Variants in SIL1 observed in about 807,000 individuals in gnomAD.
The protein encoded by SIL1 is nucleotide exchange factor SIL1.
Under a neutral mutation model 49.1 loss-of-function variants are expected in SIL1, and 40 were observed. The ratio of observed to expected loss-of-function variants is 0.81; its 90% CI spans 0.63 to 1.06. SIL1 has a LOEUF of 1.06. Among genes scored for constraint, SIL1 ranks in the 50% least tolerant of loss-of-function variants. The pLI is 0.00. For missense variants in SIL1, 500 were observed against 572.6 expected, an observed-to-expected ratio of 0.87 and a Z score of 1.29; for synonymous variants, 253 against 250.8, an observed-to-expected ratio of 1.01 and a Z score of -0.08.
chr5:139,175,916 T>C (rs900729532), intron 1 of SIL1, among the ~76,000 whole-genome samples: 1 of 152,130 alleles, frequency 6.6e-6, no homozygotes, highest in Non-Finnish European at 1.5e-5. Flanking sequence ...TGAGCCACGA[T>C]CTTGCCATTG....
intron 3 of SIL1, among the ~76,000 whole-genome samples, chr5:139,103,191 C>A (rs149511847): frequency 1.3e-5 from 2 of 152,162 alleles, no homozygotes; most frequent in Admixed American, 6.5e-5. Context: ...ACCCAAGGTA[C>A]CGCTCCACCC....
At chr5:139,028,251 G>C (rs1768705039) in intron 5 of SIL1, among the ~76,000 whole-genome samples, 1 of 151,878 alleles carries the variant, frequency 6.6e-6, no homozygotes, top group South Asian at 2.1e-4. Context: ...TGTAATCCCA[G>C]CACTTTGGTA....
At chr5:139,061,377 G>C (rs1414300725) in intron 3 of SIL1, among the ~76,000 whole-genome samples, 3 of 152,234 alleles carry the variant, frequency 2.0e-5, no homozygotes, top group African/African-American at 7.2e-5. Flanking sequence ...AAAAGGACAG[G>C]ATGTCCTCCA....
intron 2 of SIL1, among the ~76,000 whole-genome samples, chr5:139,124,632 T>C (rs1750718717): frequency 6.6e-6 from 1 of 152,214 alleles, no homozygotes; most frequent in South Asian, 2.1e-4. Context: ...TTCAATGATA[T>C]GAACAAACCA....
chr5:139,156,065 G>T (rs1446605549), intron 1 of SIL1, among the ~76,000 whole-genome samples: 2 of 152,002 alleles, frequency 1.3e-5, no homozygotes, highest in Non-Finnish European at 2.9e-5. Context: ...ACTACTGCCA[G>T]GTCAAACTCT....
At chr5:139,055,156 C>T (rs1375019203) in intron 3 of SIL1, among the ~76,000 whole-genome samples, 2 of 152,134 alleles carry the variant, frequency 1.3e-5, no homozygotes, top group East Asian at 1.9e-4. Flanking sequence ...GTTTTCCCAC[C>T]TCCAGCTCCT....
intron 1 of SIL1, among the ~76,000 whole-genome samples, chr5:139,177,529 C>A (rs544712281): frequency 6.6e-6 from 1 of 152,064 alleles, no homozygotes; most frequent in African/African-American, 2.4e-5. Context: ...TGAGCCACCG[C>A]GCCCAGCCGA....
At chr5:138,955,319 T>C (rs949784708) in intron 7 of SIL1, among the ~76,000 whole-genome samples, 1 of 152,148 alleles carries the variant, frequency 6.6e-6, no homozygotes, top group Non-Finnish European at 1.5e-5. Flanking sequence ...CATTAGCACT[T>C]GGATTACTGG....
chr5:138,947,143 T>C lies in SIL1; in HGVS notation c.1360A>G (p.Asn454Asp). The C allele has an allele frequency of 6.2e-7, 1 of 1,613,592 alleles. No homozygotes were observed. Among genetic ancestry groups the C allele is most frequent in the East Asian group, 2.2e-5 (1 of 44,874 alleles). ...GYFQELLGSV[N>D]SLLKELR ...CATCTCAGCTCCTTCAGCAAGCTGT[T>C]GACAGAGCCCAGCAGCTCCTGGAAG... The change falls in exon 10 of 10, where the codon AAC becomes GAC. Residue 454 changes from asparagine (N) to aspartate (D), a missense_variant. Coordinates refer to ENST00000394817, the MANE Select transcript of SIL1 (RefSeq NM_022464.5). The surrounding 1 kb of genome is among the most constrained non-coding windows in gnomAD (Gnocchi z 4.1).
chr5:138,960,350 C>T (rs10077452), intron 7 of SIL1, among the ~76,000 whole-genome samples: 3,449 of 151,298 alleles, frequency 0.023, 130 homozygotes, highest in African/African-American at 0.08. Context: ...CATTGAACCA[C>T]TTGAACCATT....
chr5:138,985,526 C>T (rs1402453285), intron 7 of SIL1, among the ~76,000 whole-genome samples: 2 of 152,138 alleles, frequency 1.3e-5, no homozygotes, highest in Non-Finnish European at 2.9e-5. Flanking sequence ...ATGGGCCTAA[C>T]CCAGCACGCT....
At chr5:139,092,197 A>T (rs1418103350) in intron 3 of SIL1, among the ~76,000 whole-genome samples, 1 of 152,200 alleles carries the variant, frequency 6.6e-6, no homozygotes, top group South Asian at 2.1e-4. Flanking sequence ...TAAAGAATCT[A>T]TAAGTACTTC....
chr5:139,187,196 C>T (rs777471628), intron 1 of SIL1, among the ~76,000 whole-genome samples: 6 of 152,250 alleles, frequency 3.9e-5, no homozygotes, highest in Non-Finnish European at 7.4e-5. Context: ...TCAGGTAAGG[C>T]TCACTGAAGG....
chr5:139,100,527 T>C (rs930786015), intron 3 of SIL1, among the ~76,000 whole-genome samples: 9 of 152,322 alleles, frequency 5.9e-5, no homozygotes, highest in Middle Eastern at 3.4e-3. Flanking sequence ...CAGGAAGGCA[T>C]GGTAGAAGGA....
chr5:139,156,875 T>C (rs1363707312), intron 1 of SIL1, among the ~76,000 whole-genome samples: 2 of 152,174 alleles, frequency 1.3e-5, no homozygotes, highest in African/African-American at 4.8e-5. Context: ...GCCACCAAGT[T>C]TGTGTTCATC....
chr5:138,984,758 A>C (rs1232260342), intron 7 of SIL1, among the ~76,000 whole-genome samples: 2 of 152,172 alleles, frequency 1.3e-5, no homozygotes, highest in Non-Finnish European at 2.9e-5. Context: ...AGACAAAAGC[A>C]GGAAGGAAAA....
At chr5:138,955,567 G>T (rs547754862) in intron 7 of SIL1, among the ~76,000 whole-genome samples, 7 of 152,350 alleles carry the variant, frequency 4.6e-5, no homozygotes, top group African/African-American at 1.4e-4. Context: ...GGGTGGAAGG[G>T]GACTGAAGGA....
Position 139,072,844 on chromosome 5 carries a change from GAACTC to G in SIL1, c.245-21803_245-21799del, listed in dbSNP as rs758756002. On this transcript the variant is annotated intron_variant, in intron 3 of 9. Coordinates refer to ENST00000394817, the MANE Select transcript of SIL1 (RefSeq NM_022464.5). The stretch of plus-strand genomic sequence containing the variant: ...GTGATAAATACCCAAAATAAATATG[GAACTC>G]AACTCAACAGCAAAAAACAAATAAC... Among the ~76,000 whole-genome samples the G allele has an allele frequency of 6.1e-4, 92 of 152,006 alleles. 1 individual carries two copies. Among genetic ancestry groups the G allele is most frequent in the Non-Finnish European group, 1.1e-3 (72 of 67,992 alleles).
chr5:139,063,226 G>T (rs1370016244), intron 3 of SIL1, among the ~76,000 whole-genome samples: 1 of 152,218 alleles, frequency 6.6e-6, no homozygotes, highest in African/African-American at 2.4e-5. Context: ...ATCTTGTTGT[G>T]GCCCTGCCAG....
Sources: gnomAD v4.1 joint callset for allele counts (sites outside exome capture counted in the v4.1 genomes callset) on GRCh38, gnomAD v4.1.1 for gene constraint, Gnocchi (gnomAD v3.1) non-coding constraint, MANE v1.5 for transcripts, NCBI Gene and HGNC (gene_info 2026-07-23, HGNC 2026-07-21) for gene names.